Variants in USP33 observed in about 807,000 individuals in gnomAD.
The protein encoded by USP33 is ubiquitin carboxyl-terminal hydrolase 33.
In USP33, 46 loss-of-function variants were observed where a neutral mutation model predicts 124.2. The ratio of observed to expected loss-of-function variants is 0.37; its 90% CI spans 0.29 to 0.47. USP33 has a LOEUF of 0.47. Among genes scored for constraint, USP33 ranks in the 20% least tolerant of loss-of-function variants. The pLI, the probability that USP33 is intolerant of heterozygous loss-of-function variation, is 0.99. For missense variants in USP33, 851 were observed against 1,070.6 expected (o/e 0.79, Z 2.86); for synonymous variants, 350 against 352.3 (o/e 0.99, Z 0.07).
intron 21 of USP33, among the ~76,000 whole-genome samples, chr1:77,707,379 TTCTCTGCGTATC>T (rs1674747366): frequency 6.6e-6 from 1 of 152,178 alleles, no homozygotes; most frequent in Non-Finnish European, 1.5e-5. Context: ...TTTTCACCTC[TTCTCTGCGTATC>T]TCTCTGCTGT....
chr1:77,736,101 C>G lies in USP33; in HGVS notation c.409G>C (p.Asp137His). The G allele has an allele frequency of 6.2e-7, 1 of 1,613,392 alleles. No homozygotes were observed. The highest frequency in any genetic ancestry group is 8.5e-7 in the Non-Finnish European group (1 of 1,179,702). ...LKTPLVAVFD[D>H]LDIEADEEDE... The stretch of plus-strand genomic sequence containing the variant: ...TCTTCATCCGCTTCTATATCCAGAT[C>G]ATCAAATACGGCAACCAGAGGAGTT... The change falls in exon 6 of 24, where the codon GAT (aspartate) becomes CAT (histidine). Residue 137 changes from aspartate (D) to histidine (H), a missense_variant. Coordinates refer to ENST00000370794, the MANE Select transcript of USP33 (RefSeq NM_201624.3).
At chr1:77,718,121 T>TA in intron 16 of USP33, 74 bp from the exon 17 acceptor site, 1 of 1,277,152 alleles carries the variant, frequency 7.8e-7, no homozygotes. Flanking sequence ...TAAAACTTAG[T>TA]AACATTTTTA....
At chr1:77,742,285 C>T (rs1020605191) in intron 1 of USP33, among the ~76,000 whole-genome samples, 2 of 152,056 alleles carry the variant, frequency 1.3e-5, no homozygotes, top group African/African-American at 4.8e-5. Context: ...TTCTCGATCC[C>T]GGCACTATTG....
At chr1:77,724,391 C>T (rs1009102446) in intron 11 of USP33, among the ~76,000 whole-genome samples, 4 of 152,116 alleles carry the variant, frequency 2.6e-5, no homozygotes, top group African/African-American at 9.7e-5. Flanking sequence ...CAACAAAAAT[C>T]TTTAATTTTT....
intron 21 of USP33, among the ~76,000 whole-genome samples, chr1:77,708,343 G>T (rs747351778): frequency 7.2e-5 from 11 of 152,172 alleles, no homozygotes; most frequent in African/African-American, 2.4e-4. Context: ...CTTTGGGCAG[G>T]CTTGAGGCAT....
At chr1:77,718,513 G>C in intron 16 of USP33, 83 bp downstream of exon 16, 1 of 1,109,068 alleles carries the variant, frequency 9.0e-7, no homozygotes, top group Non-Finnish European at 1.3e-6. Flanking sequence ...ACCAAGCAAA[G>C]AGAATTTATT....
At chr1:77,698,720 T>C (rs1234489886) in intron 22 of USP33, among the ~76,000 whole-genome samples, 2 of 151,764 alleles carry the variant, frequency 1.3e-5, no homozygotes, top group Non-Finnish European at 2.9e-5. Flanking sequence ...CAGGATGGTC[T>C]TGATCTCCTG....
At chr1:77,733,168 C>T (rs750263414) in intron 7 of USP33, among the ~76,000 whole-genome samples, 4 of 151,990 alleles carry the variant, frequency 2.6e-5, no homozygotes, top group Non-Finnish European at 5.9e-5. Flanking sequence ...CTGAGGCATG[C>T]GAATCACTTG....
At chr1:77,736,850 C>T (rs770411527) in intron 5 of USP33, among the ~76,000 whole-genome samples, 7 of 151,982 alleles carry the variant, frequency 4.6e-5, no homozygotes, top group African/African-American at 7.3e-5. Flanking sequence ...CCTCATGATC[C>T]GCCCACCTCG....
chr1:77,741,431 T>C lies in USP33; in HGVS notation c.82-2A>G. ...GACTTTACAATCCTGACAAGTACCC[T>C]ATAAAAAGAAATTAAAAAGACAACA... On this transcript the variant is annotated splice_acceptor_variant, in intron 2 of 23. Coordinates refer to ENST00000370794, the MANE Select transcript of USP33 (RefSeq NM_201624.3). LOFTEE classifies it high-confidence loss of function. The C allele has an allele frequency of 6.2e-7, 1 of 1,606,850 alleles. No individual in the cohort carries two copies. Among genetic ancestry groups the C allele is most frequent in the East Asian group, 2.2e-5 (1 of 44,630 alleles).
rs1676781431 is a variant in USP33, at chr1:77,723,257, T to A, written c.1389+74A>T. 3.6e-6 allele frequency: 4 copies of A among 1,106,722 alleles called. No individual in the cohort carries two copies. The African/African-American group carries it at 6.3e-5, about 17-fold the overall frequency. 68.6% of individuals were successfully genotyped at this position (1,106,722 alleles called of 1,614,324 possible). ...TAGCAAAGAGAAGGAATTAAACTTT[T>A]CACATCATCTTGTCACATTTTTAAA... On this transcript the variant is annotated intron_variant, in intron 12 of 23. Coordinates refer to ENST00000370794, the MANE Select transcript of USP33 (RefSeq NM_201624.3).
intron 22 of USP33, among the ~76,000 whole-genome samples, chr1:77,699,984 C>T (rs1246597810): frequency 6.6e-6 from 1 of 151,504 alleles, no homozygotes; most frequent in Non-Finnish European, 1.5e-5. Flanking sequence ...TAAGTGGGGG[C>T]TGAACAACAA....
intron 16 of USP33, 31 bp from the exon 17 acceptor site, chr1:77,718,078 G>T: frequency 6.5e-7 from 1 of 1,536,896 alleles, no homozygotes; most frequent in South Asian, 1.3e-5. Flanking sequence ...AAACTAATTT[G>T]TCAATACAGA....
rs1016405922 is a variant in USP33, at chr1:77,730,830, G to A, written c.525-99C>T. The A allele has an allele frequency of 5.8e-5, 42 of 719,304 alleles. 1 individual carries two copies. The highest frequency in any genetic ancestry group is 6.0e-4 in the Middle Eastern group (2 of 3,332). The allele number at this position is 719,304 out of a possible 1,614,324, so 44.6% of individuals were successfully genotyped here. On this transcript the variant is annotated intron_variant, in intron 7 of 23. Transcript: ENST00000370794. ...TGACAACACATACATTCCTTTAGCC[G>A]TTATTTCTTTCTTTGATCCCTCTTA...
At chr1:77,711,625 TAG>T in intron 21 of USP33, 120 bp downstream of exon 21, 3 of 1,486,350 alleles carry the variant, frequency 2.0e-6, no homozygotes, top group Non-Finnish European at 2.7e-6. Context: ...ATTATGCACC[TAG>T]AACACTTGAA....
rs779777495 is a variant in USP33 at position 77,701,462 on chromosome 1, C to T, written c.2416G>A (p.Ala806Thr). ...GCTGGAGAGTCCTCTTTTTGGAACG[C>T]TCTGTTAAGCTACAAGGGGGAAAAA... is the stretch of plus-strand genomic sequence containing the variant. ...ELEIFIRLNR[A>T]FQKEDSPATF... The change falls in exon 22 of 24, where the codon GCG becomes ACG. Residue 806 changes from alanine (A) to threonine (T), a missense_variant. Around this residue, in one of 4 missense-constraint regions of USP33, gnomAD observed 142 missense variants for 141.8 expected, o/e 1.00. Coordinates refer to ENST00000370794, the MANE Select transcript of USP33 (RefSeq NM_201624.3). The T allele has an allele frequency of 8.1e-6, 13 of 1,611,330 alleles. No homozygotes were observed. The highest frequency in any genetic ancestry group is 2.2e-5 in the East Asian group (1 of 44,810).
chr1:77,738,093 A>G (rs1678687781), intron 5 of USP33, among the ~76,000 whole-genome samples: 1 of 152,246 alleles, frequency 6.6e-6, no homozygotes, highest in Admixed American at 6.5e-5. Context: ...AACTAGAGCC[A>G]TTCAACTGAG....
At chr1:77,718,181 T>C in intron 16 of USP33, 134 bp from the exon 17 acceptor site, 1 of 778,002 alleles carries the variant, frequency 1.3e-6, no homozygotes, top group Non-Finnish European at 2.0e-6. Flanking sequence ...ATTATGAAGT[T>C]ATTTAGATTT....
At chr1:77,751,537 GT>G (rs1680334877) in intron 1 of USP33, among the ~76,000 whole-genome samples, 1 of 152,080 alleles carries the variant, frequency 6.6e-6, no homozygotes, top group African/African-American at 2.4e-5. Context: ...TGCCCCTGCA[GT>G]CCCAGCTATT....
Sources: gnomAD v4.1 joint callset for allele counts (sites outside exome capture counted in the v4.1 genomes callset) on GRCh38, gnomAD v4.1.1 for gene constraint, gnomAD v4.1.1 regional missense constraint, MANE v1.5 for transcripts, NCBI Gene and HGNC (gene_info 2026-07-23, HGNC 2026-07-21) for gene names.